WWC1: variants seen among roughly 807,000 people sequenced by gnomAD.
WWC1 encodes the protein WW and C2 domain containing 1.
Under a neutral mutation model 138.4 loss-of-function variants are expected in WWC1, and 55 were observed. That is an observed-to-expected ratio of 0.40 (90% CI 0.32 to 0.50). The LOEUF (loss-of-function observed/expected upper bound fraction) is 0.50, where lower values mean the gene tolerates loss of function less well. Among genes scored for constraint, WWC1 ranks in the 20% least tolerant of loss-of-function variants. The pLI is 0.72. For missense variants in WWC1, 1,226 were observed against 1,420.4 expected, an observed-to-expected ratio of 0.86 and a Z score of 2.20; for synonymous variants, 524 against 564.9, an observed-to-expected ratio of 0.93 and a Z score of 1.03.
chr5:168,431,147 T>C (rs1561756070), intron 14 of WWC1, 105 bp from the exon 15 acceptor site: 3 of 1,007,990 alleles, frequency 3.0e-6, no homozygotes, highest in East Asian at 2.4e-5. Flanking sequence ...CTACAAACTC[T>C]CATCCACTGT....
intron 3 of WWC1, among the ~76,000 whole-genome samples, chr5:168,389,591 ATTTTTGTTTTT>A (rs1263933528): frequency 1.1e-4 from 10 of 88,820 alleles, no homozygotes; most frequent in African/African-American, 4.8e-4. Context: ...TAACTATTGA[ATTTTTGTTTTT>A]TTTTTTTTTT....
chr5:168,370,380 G>GA lies in WWC1; in HGVS notation c.120-1044_120-1043insA, dbSNP rs1369315037. On this transcript the variant is annotated intron_variant, in intron 1 of 22. Transcript: ENST00000265293. ...TATCTAGCAAGTCTCTTCCTTGGAAGGAAGCCCTTGATGAGAAATCCTAGA... is the reference window on the plus strand; with the variant it reads ...TATCTAGCAAGTCTCTTCCTTGGAAGAGAAGCCCTTGATGAGAAATCCTAGA... Among the ~76,000 whole-genome samples the GA allele has an allele frequency of 1.1e-4, 16 of 152,176 alleles. 1 individual carries two copies. The highest frequency in any genetic ancestry group is 1.0e-3 in the Admixed American group (16 of 15,282).
rs1372149539 is a variant in WWC1 at position 168,471,776 on chromosome 5, T to C, written c.*2759T>C. On this transcript the variant is annotated 3_prime_UTR_variant, in exon 23 of 23. Coordinates refer to ENST00000265293, the MANE Select transcript of WWC1 (RefSeq NM_015238.3). ...CATGGTTCCAGCTTCATGGGGGCAA[T>C]GGGATTAGGAAAATGAGGTCAACCT... The C allele has an allele frequency of 6.6e-6, 1 of 152,208 alleles. No homozygotes were observed. Among genetic ancestry groups the C allele is most frequent in the Non-Finnish European group, 1.5e-5 (1 of 68,090 alleles). 9.4% of individuals were successfully genotyped at this position (152,208 alleles called of 1,614,324 possible). A position where few individuals can be genotyped will look rare whatever the true frequency, so the allele number is the denominator to read the frequency against.
At chr5:168,449,497 G>A (rs770318765) in intron 17 of WWC1, among the ~76,000 whole-genome samples, 1 of 151,722 alleles carries the variant, frequency 6.6e-6, no homozygotes, top group Non-Finnish European at 1.5e-5. Flanking sequence ...ATAAATACTG[G>A]TCAATGTGGC....
At chr5:168,349,890 T>A (rs1774801296) in intron 1 of WWC1, among the ~76,000 whole-genome samples, 1 of 152,126 alleles carries the variant, frequency 6.6e-6, no homozygotes, top group South Asian at 2.1e-4. Flanking sequence ...TTCCTCAAAA[T>A]AACACTCCAC....
intron 1 of WWC1, among the ~76,000 whole-genome samples, chr5:168,305,142 T>C (rs1262745238): frequency 6.6e-6 from 1 of 151,488 alleles, no homozygotes; most frequent in Non-Finnish European, 1.5e-5. Flanking sequence ...TTTTTTTTTT[T>C]TTTTTAGTAG....
chr5:168,415,800 G>GA (rs1561732748), intron 9 of WWC1: 11 of 18,126 alleles, frequency 6.1e-4, no homozygotes, highest in Non-Finnish European at 1.0e-3. Flanking sequence ...TGTGTGTGTG[G>GA]GGGGGGGGGG....
At chr5:168,456,554 C>T (rs757185320) in intron 19 of WWC1, among the ~76,000 whole-genome samples, 3 of 152,010 alleles carry the variant, frequency 2.0e-5, no homozygotes, top group Non-Finnish European at 4.4e-5. Flanking sequence ...TCCTTGAACC[C>T]GGGGGGCAGA....
chr5:168,457,342 T>C (rs551374679), intron 19 of WWC1, among the ~76,000 whole-genome samples: 3 of 152,100 alleles, frequency 2.0e-5, no homozygotes, highest in Non-Finnish European at 4.4e-5. Flanking sequence ...TGCTGAGATA[T>C]AGCAGGGAAC....
chr5:168,338,932 C>T (rs975539058), intron 1 of WWC1, among the ~76,000 whole-genome samples: 1 of 152,016 alleles, frequency 6.6e-6, no homozygotes, highest in Non-Finnish European at 1.5e-5. Context: ...TATAGTTAAC[C>T]ATATTAATAT....
At chr5:168,445,758 A>T (rs1304638861) in intron 17 of WWC1, among the ~76,000 whole-genome samples, 1 of 149,698 alleles carries the variant, frequency 6.7e-6, no homozygotes, top group African/African-American at 2.5e-5. Context: ...CAATTCTGTC[A>T]GCCCCATGGT....
chr5:168,390,968 C>T (rs1778439102), intron 3 of WWC1, among the ~76,000 whole-genome samples: 1 of 152,196 alleles, frequency 6.6e-6, no homozygotes, highest in Non-Finnish European at 1.5e-5. Flanking sequence ...CTGAGGCCCC[C>T]AAAGAGGAAG....
At chr5:168,305,371 A>G (rs1051857489) in intron 1 of WWC1, among the ~76,000 whole-genome samples, 13 of 152,122 alleles carry the variant, frequency 8.5e-5, no homozygotes, top group African/African-American at 2.7e-4. Flanking sequence ...TCTTCTTGGC[A>G]TTAAGATTCA....
At chr5:168,348,974 C>A (rs189691028) in intron 1 of WWC1, among the ~76,000 whole-genome samples, 1 of 152,270 alleles carries the variant, frequency 6.6e-6, no homozygotes, top group African/African-American at 2.4e-5. Flanking sequence ...TAAACCTCCC[C>A]ACAGCTCTGT....
At chr5:168,350,322 G>A (rs1334803085) in intron 1 of WWC1, among the ~76,000 whole-genome samples, 1 of 152,250 alleles carries the variant, frequency 6.6e-6, no homozygotes, top group South Asian at 2.1e-4. Flanking sequence ...GTGCAGGAAT[G>A]ATTTAAAATC....
chr5:168,467,367 C>T (rs1377410957), intron 21 of WWC1, among the ~76,000 whole-genome samples: 4 of 152,186 alleles, frequency 2.6e-5, no homozygotes, highest in Non-Finnish European at 4.4e-5. Context: ...GTGGTTTGTT[C>T]TCAAAAGTGT....
chr5:168,294,817 G>C (rs936652812), intron 1 of WWC1, among the ~76,000 whole-genome samples: 11 of 152,068 alleles, frequency 7.2e-5, no homozygotes, highest in Non-Finnish European at 1.5e-4. Context: ...GTAGAGATGG[G>C]GTTTCACTGT....
At chr5:168,376,934 T>A (rs1414008458) in intron 2 of WWC1, among the ~76,000 whole-genome samples, 1 of 152,162 alleles carries the variant, frequency 6.6e-6, no homozygotes, top group Non-Finnish European at 1.5e-5. Flanking sequence ...AAAACTATTC[T>A]AAATTCATTT....
chr5:168,350,471 G>A (rs1358393875), intron 1 of WWC1, among the ~76,000 whole-genome samples: 1 of 152,194 alleles, frequency 6.6e-6, no homozygotes, highest in Non-Finnish European at 1.5e-5. Flanking sequence ...CCCTTCCTCT[G>A]CTGGTCCCCA....
Sources: allele counts gnomAD v4.1 joint callset (sites outside exome capture counted in the v4.1 genomes callset), GRCh38; gene constraint gnomAD v4.1.1; transcripts MANE v1.5; gene names NCBI Gene and HGNC (gene_info 2026-07-23, HGNC 2026-07-21).